NBAS: variants seen among roughly 807,000 people sequenced by gnomAD.
NBAS encodes NBAS subunit of NRZ tethering complex, also known as NAG/BC035112 fusion.
A neutral mutation model predicts 302.5 loss-of-function variants in NBAS; 219 were observed. The ratio of observed to expected loss-of-function variants is 0.72; its 90% CI spans 0.65 to 0.81. NBAS has a LOEUF of 0.81. Ranked by LOEUF, NBAS falls within the 30% of genes least tolerant of loss-of-function variation. The pLI, the probability that NBAS is intolerant of heterozygous loss-of-function variation, is 0.00. For synonymous variants in NBAS, 1,118 were observed against 1,021.6 expected (o/e 1.09, Z -1.80); for missense variants, 2,932 against 2,841.6 (o/e 1.03, Z -0.72).
intron 48 of NBAS, among the ~76,000 whole-genome samples, chr2:15,203,890 T>TTGTGTGTG (rs143962413): frequency 0.085 from 10,936 of 129,352 alleles, 616 homozygotes; most frequent in African/African-American, 0.16. Flanking sequence ...GTGTGTGTGC[T>TTGTGTGTG]TGTGTGTGTG....
chr2:15,006,833 C>G, the NBAS span, among the ~76,000 whole-genome samples: 1 of 152,330 alleles, frequency 6.6e-6, no homozygotes, highest in East Asian at 1.9e-4. Context: ...CAGGTTCATA[C>G]ATGCTAGCTT....
chr2:15,507,047 G>T (rs1661890423), intron 10 of NBAS, among the ~76,000 whole-genome samples: 1 of 152,222 alleles, frequency 6.6e-6, no homozygotes, highest in Non-Finnish European at 1.5e-5. Context: ...TGGGATGGTA[G>T]CTAGAGGGCA....
Position 15,178,994 on chromosome 2 carries a change from G to A in NBAS, c.6834C>T (p.Val2278=). 6.2e-7 allele frequency: 1 copy of A among 1,613,864 alleles called. No individual in the cohort carries two copies. ...HEMALEQITA[V]TTVNDSNCDQ... ...TAAATTCAACTGGGCATACCGTAGT[G>A]ACTGCCGTGATTTGCTCCAGTGCCA... Residue 2278 remains valine, a synonymous_variant, in exon 51 of 52, where the codon GTC becomes GTT. Coordinates refer to ENST00000281513, the MANE Select transcript of NBAS (RefSeq NM_015909.4).
At chr2:15,014,144 T>C in the NBAS span, among the ~76,000 whole-genome samples, 1 of 152,104 alleles carries the variant, frequency 6.6e-6, no homozygotes, top group Non-Finnish European at 1.5e-5. Flanking sequence ...ACCACACAGA[T>C]ATATAAATCA....
At chr2:15,098,935 A>G in the NBAS span, among the ~76,000 whole-genome samples, 2 of 151,476 alleles carry the variant, frequency 1.3e-5, no homozygotes, top group Non-Finnish European at 2.9e-5. Flanking sequence ...ACTGCAGTGG[A>G]CTGAATGTTG....
chr2:15,471,889 C>T lies in NBAS; in HGVS notation c.1725+1333G>A, dbSNP rs976782013. 9.2e-5 allele frequency among the ~76,000 whole-genome samples: 14 copies of T among 152,300 alleles called. 1 individual carries two copies. The South Asian group carries it at 1.2e-3, about 14-fold the overall frequency. ...GAAATTGGCTAACACCTTGATTTTGCACTTCCCAGCCTCTAGAACTAAGAG... is the reference window on the plus strand; with the variant it reads ...GAAATTGGCTAACACCTTGATTTTGTACTTCCCAGCCTCTAGAACTAAGAG... On this transcript the variant is annotated intron_variant, in intron 16 of 51. Coordinates refer to ENST00000281513, the MANE Select transcript of NBAS (RefSeq NM_015909.4).
At chr2:15,484,550 C>A (rs1039763360) in intron 12 of NBAS, among the ~76,000 whole-genome samples, 12 of 152,154 alleles carry the variant, frequency 7.9e-5, no homozygotes, top group African/African-American at 2.7e-4. Context: ...CCACCTCCAG[C>A]ATACATGGGT....
At chr2:15,234,961 G>T (rs990159900) in intron 45 of NBAS, among the ~76,000 whole-genome samples, 2 of 152,096 alleles carry the variant, frequency 1.3e-5, no homozygotes, top group Non-Finnish European at 2.9e-5. Flanking sequence ...TTAGTTAGTG[G>T]GCCTTTGTGA....
chr2:15,147,322 G>A, the NBAS span, among the ~76,000 whole-genome samples: 1 of 152,104 alleles, frequency 6.6e-6, no homozygotes, highest in East Asian at 1.9e-4. Flanking sequence ...GGCTGGGCGT[G>A]GTGGCTCATA....
At chr2:14,997,536 G>C in the NBAS span, among the ~76,000 whole-genome samples, 3 of 151,872 alleles carry the variant, frequency 2.0e-5, no homozygotes, top group African/African-American at 7.2e-5. Flanking sequence ...GTACAACATG[G>C]TGATTTGATG....
At chr2:15,329,185 G>T (rs904453783) in intron 36 of NBAS, among the ~76,000 whole-genome samples, 1 of 152,176 alleles carries the variant, frequency 6.6e-6, no homozygotes, top group Admixed American at 6.6e-5. Flanking sequence ...AAGGTTTATT[G>T]TGGTTACTTT....
At chr2:14,920,069 C>A in the NBAS span, among the ~76,000 whole-genome samples, 690 of 152,204 alleles carry the variant, frequency 4.5e-3, 9 homozygotes, top group African/African-American at 0.016. Context: ...GCAGCTATAG[C>A]CTTATGAAAT....
chr2:14,967,874 T>A, the NBAS span, among the ~76,000 whole-genome samples: 186 of 152,280 alleles, frequency 1.2e-3, no homozygotes, highest in African/African-American at 4.2e-3. Context: ...TCTTGGCAGC[T>A]CTCAAGCCTC....
Position 15,424,348 on chromosome 2 carries a change from G to A in NBAS, c.2544C>T (p.Thr848=), listed in dbSNP as rs751204972. The A allele has an allele frequency of 3.1e-6, 5 of 1,613,890 alleles. No homozygotes were observed. Among genetic ancestry groups the A allele is most frequent in the East Asian group, 2.2e-5 (1 of 44,892 alleles). The change falls in exon 23 of 52, where the codon ACC becomes ACT. Residue 848 remains threonine, a synonymous_variant. Coordinates refer to ENST00000281513, the MANE Select transcript of NBAS (RefSeq NM_015909.4). ...CATAATGCTCTATTTCCTCTGCTCTGGTCTGATACCAGTCCATAACCTTCT... is the reference window on the plus strand; with the variant it reads ...CATAATGCTCTATTTCCTCTGCTCTAGTCTGATACCAGTCCATAACCTTCT... ...TVEKVMDWYQ[T]RAEEIEHYAR...
rs1553333192 is a variant in NBAS at position 15,528,885 on chromosome 2, A to ATATATATGTGTG, written c.746+5657_746+5658insCACACATATATA. ...CCATCTCAAAAAAAAAAAAATATAT[A>ATATATATGTGTG]TATATATATATATGTGTGTATATAT... is the stretch of plus-strand genomic sequence containing the variant. On this transcript the variant is annotated intron_variant, in intron 9 of 51. Transcript: ENST00000281513. Among the ~76,000 whole-genome samples, 685 of 123,172 alleles carry ATATATATGTGTG rather than the reference A, an allele frequency of 5.6e-3. 7 individuals are homozygous for ATATATATGTGTG. The highest frequency in any genetic ancestry group is 0.015 in the South Asian group (57 of 3,834). The allele number at this position is 123,172 out of a possible 152,430, so 80.8% of individuals were successfully genotyped here.
chr2:14,839,346 C>A, the NBAS span, among the ~76,000 whole-genome samples: 1 of 152,050 alleles, frequency 6.6e-6, no homozygotes, highest in Non-Finnish European at 1.5e-5. Flanking sequence ...AGTGGACAAC[C>A]AGCTTTCCTA....
intron 22 of NBAS, among the ~76,000 whole-genome samples, chr2:15,425,726 C>A (rs1413217315): frequency 6.6e-6 from 1 of 152,158 alleles, no homozygotes; most frequent in Non-Finnish European, 1.5e-5. Context: ...CTCACTCCTC[C>A]TGGCATCTCT....
At chr2:14,976,040 A>G in the NBAS span, among the ~76,000 whole-genome samples, 1 of 152,230 alleles carries the variant, frequency 6.6e-6, no homozygotes, top group Non-Finnish European at 1.5e-5. Flanking sequence ...ATTGAACAAT[A>G]AACAGCACTA....
the NBAS span, among the ~76,000 whole-genome samples, chr2:15,157,248 G>C: frequency 7.9e-5 from 12 of 152,204 alleles, no homozygotes; most frequent in African/African-American, 2.9e-4. Flanking sequence ...GTGATCATGA[G>C]AGATGGATTC....
Sources: gnomAD v4.1 joint callset for allele counts (sites outside exome capture counted in the v4.1 genomes callset) on GRCh38, gnomAD v4.1.1 for gene constraint, MANE v1.5 for transcripts, NCBI Gene and HGNC (gene_info 2026-07-23, HGNC 2026-07-21) for gene names.